HDX: variants seen among roughly 807,000 people sequenced by gnomAD.
HDX encodes the protein chromosome X open reading frame 43.
A neutral mutation model predicts 45.2 loss-of-function variants in HDX; 19 were observed. The observed-to-expected ratio is 0.42, with a 90% confidence interval of 0.29 to 0.62. HDX has a LOEUF of 0.62. Among genes scored for constraint, HDX ranks in the 20% least tolerant of loss-of-function variants. The pLI is 0.20. For synonymous variants in HDX, 188 were observed against 172.8 expected (o/e 1.09, Z -0.69); for missense variants, 532 against 493.9 (o/e 1.08, Z -0.73).
intron 4 of HDX, among the ~76,000 whole-genome samples, chrX:84,457,184 C>T (rs1357400951): frequency 9.0e-6 from 1 of 111,408 alleles, no homozygotes; most frequent in Non-Finnish European, 1.9e-5. Context: ...ACTATGCTTA[C>T]AGAAGTACAC....
chrX:84,349,190 G>T (rs186059754), intron 6 of HDX, among the ~76,000 whole-genome samples: 1 of 110,708 alleles, frequency 9.0e-6, no homozygotes, highest in Non-Finnish European at 1.9e-5. Flanking sequence ...CTCTGTATCT[G>T]CCTATTTGTC....
chrX:84,392,588 ATTTT>A (rs1000842320), intron 5 of HDX, among the ~76,000 whole-genome samples: 2 of 110,411 alleles, frequency 1.8e-5, no homozygotes, highest in Non-Finnish European at 3.8e-5. Context: ...TCTTCAATTT[ATTTT>A]ATTATTATTT....
At chrX:84,348,623 C>A (rs1275124607) in intron 6 of HDX, among the ~76,000 whole-genome samples, 1 of 111,353 alleles carries the variant, frequency 9.0e-6, no homozygotes, top group Non-Finnish European at 1.9e-5. Flanking sequence ...AGGCATTTGG[C>A]GATGTAGTGT....
At chrX:84,377,294 G>A (rs1200632860) in intron 5 of HDX, among the ~76,000 whole-genome samples, 3 of 111,476 alleles carry the variant, frequency 2.7e-5, no homozygotes, top group Admixed American at 9.5e-5. Flanking sequence ...ACTAAGAACA[G>A]ACAGTGAAGA....
chrX:84,378,635 A>G (rs1288062097), intron 5 of HDX, among the ~76,000 whole-genome samples: 1 of 111,727 alleles, frequency 9.0e-6, no homozygotes, highest in Non-Finnish European at 1.9e-5. Flanking sequence ...AACCTCAAAC[A>G]GAAAAGCATA....
At chrX:84,333,371 G>A (rs1317063011) in intron 9 of HDX, among the ~76,000 whole-genome samples, 1 of 111,123 alleles carries the variant, frequency 9.0e-6, no homozygotes, top group Non-Finnish European at 1.9e-5. Context: ...TTTAAAAATT[G>A]TCCACAGAAG....
intron 4 of HDX, among the ~76,000 whole-genome samples, chrX:84,443,034 A>T (rs150113022): frequency 0.015 from 1,626 of 111,473 alleles, 27 homozygotes; most frequent in African/African-American, 0.051. Flanking sequence ...CATAGTATGC[A>T]AATATTATAA....
chrX:84,333,379 A>T (rs917984118), intron 9 of HDX, among the ~76,000 whole-genome samples: 6 of 111,430 alleles, frequency 5.4e-5, no homozygotes, highest in African/African-American at 1.6e-4. Flanking sequence ...TTGTCCACAG[A>T]AGAAGTAAAA....
At chrX:84,426,463 C>T (rs145091470) in intron 5 of HDX, among the ~76,000 whole-genome samples, 7,119 of 110,340 alleles carry the variant, frequency 0.065, 189 homozygotes, top group South Asian at 0.15. Context: ...AATATTTTTC[C>T]GCCTTTAAAA....
At chrX:84,347,465 C>A (rs771623611) in intron 6 of HDX, among the ~76,000 whole-genome samples, 60 of 111,577 alleles carry the variant, frequency 5.4e-4, no homozygotes, top group Admixed American at 1.4e-3. Flanking sequence ...CACTACTTAT[C>A]TGCATCCCAC....
chrX:84,468,184 G>A (rs935091201), intron 4 of HDX, among the ~76,000 whole-genome samples: 2 of 111,301 alleles, frequency 1.8e-5, no homozygotes, highest in Admixed American at 9.6e-5. Flanking sequence ...TTAGTAATGG[G>A]AAATTCCATG....
chrX:84,416,825 G>T (rs2039113635), intron 5 of HDX, among the ~76,000 whole-genome samples: 1 of 111,029 alleles, frequency 9.0e-6, no homozygotes, highest in African/African-American at 3.3e-5. Flanking sequence ...TTATTAATAA[G>T]ACCCTGCCCT....
intron 5 of HDX, among the ~76,000 whole-genome samples, chrX:84,408,423 C>T (rs1029840791): frequency 1.9e-5 from 2 of 107,717 alleles, no homozygotes; most frequent in Non-Finnish European, 3.8e-5. Flanking sequence ...TATTTTTGTA[C>T]CAATAGCATG....
intron 4 of HDX, among the ~76,000 whole-genome samples, chrX:84,461,092 T>C (rs1190143471): frequency 1.8e-5 from 2 of 111,598 alleles, no homozygotes; most frequent in African/African-American, 3.2e-5. Flanking sequence ...AAGGTGTCTA[T>C]ACTATGTAAA....
intron 3 of HDX, among the ~76,000 whole-genome samples, chrX:84,472,394 A>G (rs2040470091): frequency 9.0e-6 from 1 of 111,587 alleles, no homozygotes; most frequent in Admixed American, 9.6e-5. Context: ...CAACCAACAT[A>G]GATGTCACAA....
At chrX:84,473,139 T>A (rs1232826440) in intron 3 of HDX, among the ~76,000 whole-genome samples, 1 of 109,711 alleles carries the variant, frequency 9.1e-6, no homozygotes. Context: ...TTTTTTTATA[T>A]CTCCTTCTTT....
At chrX:84,393,348 C>A (rs1245914261) in intron 5 of HDX, among the ~76,000 whole-genome samples, 4 of 111,395 alleles carry the variant, frequency 3.6e-5, no homozygotes, top group East Asian at 2.8e-4. Flanking sequence ...ATGTGTTGAA[C>A]CATCCTTGCA....
chrX:84,412,028 C>T (rs1230347382), intron 5 of HDX, among the ~76,000 whole-genome samples: 1 of 111,183 alleles, frequency 9.0e-6, no homozygotes, highest in African/African-American at 3.3e-5. Context: ...GATTTTTATC[C>T]ATCCCTTTTC....
chrX:84,477,574 C>G (rs1485365735), intron 2 of HDX, among the ~76,000 whole-genome samples: 2 of 111,134 alleles, frequency 1.8e-5, no homozygotes, highest in Admixed American at 1.9e-4. Context: ...CTCAAAAGAT[C>G]TACTATATTA....
Sources: allele counts gnomAD v4.1 joint callset (sites outside exome capture counted in the v4.1 genomes callset), GRCh38; gene constraint gnomAD v4.1.1; transcripts MANE v1.5; gene names NCBI Gene and HGNC (gene_info 2026-07-23, HGNC 2026-07-21).